EXD1: variants seen among roughly 807,000 people sequenced by gnomAD.
EXD1 encodes piRNA biogenesis protein EXD1.
EXD1 carries 63 observed loss-of-function variants against 49.1 expected under a neutral mutation model. That is an observed-to-expected ratio of 1.28 (90% CI 1.05 to 1.58). The LOEUF (loss-of-function observed/expected upper bound fraction) is 1.58, where lower values mean the gene tolerates loss of function less well. Ranked by LOEUF, EXD1 falls within the 40% of genes most tolerant of loss-of-function variation. The pLI, the probability that EXD1 is intolerant of heterozygous loss-of-function variation, is 0.00. For missense variants in EXD1, 748 were observed against 666.0 expected, an observed-to-expected ratio of 1.12 and a Z score of -1.36; for synonymous variants, 234 against 239.2, an observed-to-expected ratio of 0.98 and a Z score of 0.20.
At chr15:41,193,861 C>T (rs542975287) in intron 9 of EXD1, among the ~76,000 whole-genome samples, 1 of 151,910 alleles carries the variant, frequency 6.6e-6, no homozygotes, top group Non-Finnish European at 1.5e-5. Flanking sequence ...GCCAATGGCC[C>T]CCAAAGATAA....
chr15:41,183,106 A>G lies in EXD1; in HGVS notation c.*825T>C, dbSNP rs1318638454. 2 of 152,304 alleles carry G rather than the reference A, an allele frequency of 1.3e-5. No individual in the cohort carries two copies. The highest frequency in any genetic ancestry group is 2.4e-5 in the African/African-American group (1 of 41,474). 9.4% of individuals were successfully genotyped at this position (152,304 alleles called of 1,614,324 possible). ...GGAGTTCGAGACCAGCCTGGCCAAC[A>G]TGGTGAAACCCCATCTCTACTAAAA... On this transcript the variant is annotated 3_prime_UTR_variant, in exon 12 of 12. Transcript: ENST00000458580.
intron 7 of EXD1, among the ~76,000 whole-genome samples, chr15:41,199,732 T>TATATATCATATATC (rs1159105027): frequency 1.3e-5 from 1 of 78,842 alleles, no homozygotes; most frequent in Non-Finnish European, 2.3e-5. Flanking sequence ...TTATATATGA[T>TATATATCATATATC]ATATATGTCA....
chr15:41,223,520 A>T (rs2047120413), intron 2 of EXD1, among the ~76,000 whole-genome samples: 2 of 152,064 alleles, frequency 1.3e-5, no homozygotes, highest in African/African-American at 4.8e-5. Context: ...CAGAAGCTGG[A>T]GACAAGCCCA....
At position 41,209,548 on chromosome 15, in the gene EXD1, C is replaced by G; in HGVS notation, c.487G>C (p.Ala163Pro). 5 of 1,614,206 alleles carry G rather than the reference C, an allele frequency of 3.1e-6. No individual in the cohort carries two copies. Among genetic ancestry groups the G allele is most frequent in the Non-Finnish European group, 4.2e-6 (5 of 1,180,032 alleles). ...IKKQNVLSVA[A>P]EGANVCRHGK... Reference sequence around the variant, plus strand: ...TGGCGACATACATTCGCTCCTTCTGCTGCCACACTCAGGACATTCTGCTTC... The same window carrying G: ...TGGCGACATACATTCGCTCCTTCTGGTGCCACACTCAGGACATTCTGCTTC... The change falls in exon 7 of 12, where the codon GCA becomes CCA. Residue 163 changes from alanine to proline, a missense_variant. Ala to Pro is a conservative substitution (Grantham distance 27). Coordinates refer to ENST00000458580, the MANE Select transcript of EXD1 (RefSeq NM_001286441.2).
intron 5 of EXD1, 126 bp from the exon 6 acceptor site, chr15:41,215,959 C>T (rs2140892531): frequency 2.4e-6 from 2 of 821,780 alleles, no homozygotes; most frequent in Non-Finnish European, 4.1e-6. Flanking sequence ...AATTGCAAAA[C>T]CACCCTCCCT....
At chr15:41,228,514 C>T (rs551642286) in intron 1 of EXD1, among the ~76,000 whole-genome samples, 23 of 152,180 alleles carry the variant, frequency 1.5e-4, no homozygotes, top group African/African-American at 4.3e-4. Flanking sequence ...GACCAGGCCT[C>T]TAGGGTAGGA....
At chr15:41,229,659 T>C (rs1595465751) in intron 1 of EXD1, among the ~76,000 whole-genome samples, 1 of 152,046 alleles carries the variant, frequency 6.6e-6, no homozygotes, top group African/African-American at 2.4e-5. Context: ...CCCCAGCTAC[T>C]AGGGAGTCTG....
At chr15:41,214,374 G>A (rs774119494) in intron 6 of EXD1, among the ~76,000 whole-genome samples, 6 of 151,612 alleles carry the variant, frequency 4.0e-5, no homozygotes, top group Non-Finnish European at 5.9e-5. Flanking sequence ...ATTAGCTGGC[G>A]TGGTGGTGCA....
chr15:41,191,933 C>T (rs1273213678), intron 9 of EXD1: 4 of 189,912 alleles, frequency 2.1e-5, no homozygotes, highest in Admixed American at 5.7e-5. Flanking sequence ...CAGGCTACCA[C>T]GCCTGGCTAA....
In EXD1 at chr15:41,186,878, G is replaced by A. The variant is rs563927359; in HGVS notation, c.1057-2285C>T. Among the ~76,000 whole-genome samples the A allele has an allele frequency of 3.4e-5, 5 of 148,652 alleles. No individual in the cohort carries two copies. The East Asian group carries it at 7.9e-4, about 23-fold the overall frequency. ...CAACCTCCACCTCCTGGGTTCAAGCGATTCTTTTTTTTTTTCTTTTTTTTT... is the reference window on the plus strand; with the variant it reads ...CAACCTCCACCTCCTGGGTTCAAGCAATTCTTTTTTTTTTTCTTTTTTTTT... On this transcript the variant is annotated intron_variant, in intron 11 of 11. Coordinates refer to ENST00000458580, the MANE Select transcript of EXD1 (RefSeq NM_001286441.2).
At chr15:41,188,615 A>G (rs1384256809) in intron 11 of EXD1, among the ~76,000 whole-genome samples, 1 of 151,442 alleles carries the variant, frequency 6.6e-6, no homozygotes, top group Non-Finnish European at 1.5e-5. Flanking sequence ...CTGATCTCAA[A>G]CTCTTGACCT....
chr15:41,202,779 C>G (rs2046752564), intron 7 of EXD1, among the ~76,000 whole-genome samples: 1 of 151,794 alleles, frequency 6.6e-6, no homozygotes, highest in Non-Finnish European at 1.5e-5. Flanking sequence ...TTAGCCAGGC[C>G]CAGTGGTGTG....
chr15:41,217,025 TAG>T, intron 4 of EXD1, 70 bp downstream of exon 4: 3 of 1,414,528 alleles, frequency 2.1e-6, no homozygotes, highest in Non-Finnish European at 2.9e-6. Context: ...GCTGGTGAAT[TAG>T]AGTTAAGGCT....
chr15:41,221,224 C>CA (rs2047083728), intron 2 of EXD1, among the ~76,000 whole-genome samples: 2 of 151,814 alleles, frequency 1.3e-5, no homozygotes, highest in African/African-American at 2.4e-5. Flanking sequence ...CCACTGCCAG[C>CA]AAAAAACAGT....
intron 2 of EXD1, among the ~76,000 whole-genome samples, chr15:41,221,584 C>A (rs895532254): frequency 3.3e-5 from 5 of 151,776 alleles, no homozygotes; most frequent in African/African-American, 1.2e-4. Flanking sequence ...AATACATTTT[C>A]TTATAACTGC....
At chr15:41,197,124 C>A (rs1350903023) in intron 7 of EXD1, among the ~76,000 whole-genome samples, 1 of 152,036 alleles carries the variant, frequency 6.6e-6, no homozygotes, top group Non-Finnish European at 1.5e-5. Flanking sequence ...CAGGCCCCAC[C>A]ACATCTTCAC....
At position 41,192,689 on chromosome 15, in the gene EXD1, A is replaced by G. The variant is rs73398402; in HGVS notation, c.721-1104T>C. Among the ~76,000 whole-genome samples the G allele has an allele frequency of 2.5e-3, 323 of 130,784 alleles. 2 individuals carry two copies. Among genetic ancestry groups the G allele is most frequent in the African/African-American group, 9.0e-3 (310 of 34,264 alleles). 85.8% of individuals were successfully genotyped at this position (130,784 alleles called of 152,430 possible). A position where few individuals can be genotyped will look rare whatever the true frequency, so the allele number is the denominator to read the frequency against. The stretch of plus-strand genomic sequence containing the variant: ...GAGTACAACGCCACAATCATGGCTT[A>G]CTGCAGCCTCAATCTTCCAAGTTCA... On this transcript the variant is annotated intron_variant, in intron 9 of 11. Transcript: ENST00000458580.
At chr15:41,210,945 T>C (rs1392228782) in intron 6 of EXD1, among the ~76,000 whole-genome samples, 1 of 152,198 alleles carries the variant, frequency 6.6e-6, no homozygotes, top group Non-Finnish European at 1.5e-5. Flanking sequence ...AAAATGGCAC[T>C]GAATTTCAGC....
intron 1 of EXD1, among the ~76,000 whole-genome samples, chr15:41,229,897 A>G (rs2047212897): frequency 6.6e-6 from 1 of 152,094 alleles, no homozygotes; most frequent in Non-Finnish European, 1.5e-5. Flanking sequence ...TAGTAACTTA[A>G]GTTGACCTGG....
Sources: allele counts gnomAD v4.1 joint callset (sites outside exome capture counted in the v4.1 genomes callset), GRCh38; gene constraint gnomAD v4.1.1; transcripts MANE v1.5; gene names NCBI Gene and HGNC (gene_info 2026-07-23, HGNC 2026-07-21).